ZNF644: variants seen among roughly 807,000 people sequenced by gnomAD.
ZNF644 encodes the protein zinc finger protein 644.
In ZNF644, 20 loss-of-function variants were observed where a neutral mutation model predicts 108.0. The ratio of observed to expected loss-of-function variants is 0.19; its 90% CI spans 0.13 to 0.27. The LOEUF (loss-of-function observed/expected upper bound fraction) is 0.27. Ranked by LOEUF, ZNF644 falls within the 10% of genes least tolerant of loss-of-function variation. ZNF644 has a pLI of 1.00. For missense variants in ZNF644, 1,338 were observed against 1,548.9 expected, an observed-to-expected ratio of 0.86 and a Z score of 2.29; for synonymous variants, 542 against 539.1, an observed-to-expected ratio of 1.01 and a Z score of -0.08.
intron 2 of ZNF644, among the ~76,000 whole-genome samples, chr1:90,962,816 G>C (rs1216690143): frequency 6.6e-6 from 1 of 152,100 alleles, no homozygotes; most frequent in Non-Finnish European, 1.5e-5. Context: ...TGTGTGGTTA[G>C]AGAGGAGGGA....
chr1:90,999,501 T>A (rs1416626633), intron 1 of ZNF644, among the ~76,000 whole-genome samples: 1 of 152,176 alleles, frequency 6.6e-6, no homozygotes, highest in Non-Finnish European at 1.5e-5. Flanking sequence ...CTGAGAGATT[T>A]GTCACCACCA....
chr1:91,004,269 T>A (rs961552778), intron 1 of ZNF644, among the ~76,000 whole-genome samples: 17 of 152,070 alleles, frequency 1.1e-4, no homozygotes, highest in Non-Finnish European at 2.5e-4. Context: ...AGACACATCA[T>A]CATAAAACTG....
In ZNF644 at chr1:90,941,092, T is replaced by G; in HGVS notation, c.262A>C (p.Ser88Arg). The G allele has an allele frequency of 6.2e-7, 1 of 1,614,120 alleles. No individual in the cohort carries two copies. Among genetic ancestry groups the G allele is most frequent in the Non-Finnish European group, 8.5e-7 (1 of 1,179,960 alleles). ...LSKDKSENAL[S>R]GGQSSLFIHA... ...ATAAATAGACTAGACTGGCCTCCAC[T>G]TAAGGCGTTTTCAGATTTGTCCTTT... The change falls in exon 3 of 6, where the codon AGT (serine) becomes CGT (arginine). Residue 88 changes from serine to arginine, a missense_variant. Ser to Arg is a moderately radical substitution (Grantham distance 110). This residue lies in a region of ZNF644 where 464 missense variants were observed against 457.9 expected (regional missense o/e 1.01). Coordinates refer to ENST00000337393, the MANE Select transcript of ZNF644 (RefSeq NM_201269.3).
chr1:90,942,548 A>ATT (rs1652103965), intron 2 of ZNF644, among the ~76,000 whole-genome samples: 1 of 152,210 alleles, frequency 6.6e-6, no homozygotes, highest in African/African-American at 2.4e-5. Flanking sequence ...CTCAGGCAAT[A>ATT]TTTGTTGAAT....
chr1:91,020,881 A>G (rs747624478), intron 1 of ZNF644: 4 of 152,234 alleles, frequency 2.6e-5, no homozygotes, highest in Non-Finnish European at 5.9e-5. Context: ...AGACAAGACC[A>G]TCATTCGCCC....
chr1:91,002,725 C>T (rs563803657), intron 1 of ZNF644, among the ~76,000 whole-genome samples: 2 of 152,216 alleles, frequency 1.3e-5, no homozygotes, highest in Admixed American at 1.3e-4. Context: ...AAGAAACTAC[C>T]ATCAGAGTGA....
chr1:90,991,246 TAAG>T (rs2101589996), intron 1 of ZNF644, among the ~76,000 whole-genome samples: 1 of 152,316 alleles, frequency 6.6e-6, no homozygotes, highest in East Asian at 1.9e-4. Flanking sequence ...TACACAGCTA[TAAG>T]AATGGCTAAA....
intron 1 of ZNF644, among the ~76,000 whole-genome samples, chr1:91,014,960 G>A (rs1184438558): frequency 6.6e-6 from 1 of 152,058 alleles, no homozygotes; most frequent in Non-Finnish European, 1.5e-5. Flanking sequence ...CATGTAAAGT[G>A]GGAATATATA....
At chr1:90,923,151 T>C (rs929712619) in intron 4 of ZNF644, among the ~76,000 whole-genome samples, 1 of 152,118 alleles carries the variant, frequency 6.6e-6, no homozygotes, top group African/African-American at 2.4e-5. Context: ...ACTTACACAG[T>C]CACATAGGGA....
rs965056714 is a variant in ZNF644 at position 90,922,158 on chromosome 1, C to G, written c.3689-4004G>C. 2.6e-5 allele frequency among the ~76,000 whole-genome samples: 4 copies of G among 152,268 alleles called. No individual in the cohort carries two copies. The South Asian group carries it at 6.2e-4, about 24-fold the overall frequency. On this transcript the variant is annotated intron_variant, in intron 4 of 5. Transcript: ENST00000337393. ...GATTTCATAAAAACATCTGGAACTT[C>G]TTTGATAAAGCACACCATAACTAAA...
At chr1:90,943,257 T>G (rs1357855301) in intron 2 of ZNF644, among the ~76,000 whole-genome samples, 1 of 151,918 alleles carries the variant, frequency 6.6e-6, no homozygotes, top group Non-Finnish European at 1.5e-5. Flanking sequence ...CTGGCTAACA[T>G]GGTGATACCC....
intron 4 of ZNF644, among the ~76,000 whole-genome samples, chr1:90,924,471 GAT>G (rs1256994710): frequency 8.6e-5 from 13 of 152,038 alleles, no homozygotes; most frequent in Non-Finnish European, 1.8e-4. Flanking sequence ...CCGTATTTCT[GAT>G]ATATCATTTC....
intron 1 of ZNF644, among the ~76,000 whole-genome samples, chr1:91,010,405 ATTTTTTT>A (rs35003941): frequency 7.5e-6 from 1 of 132,628 alleles, no homozygotes; most frequent in Non-Finnish European, 1.6e-5. Context: ...CGCTTGGCTA[ATTTTTTT>A]TTTTTTTTTT....
intron 2 of ZNF644, among the ~76,000 whole-genome samples, chr1:90,977,296 A>T (rs969321070): frequency 3.3e-5 from 5 of 152,184 alleles, no homozygotes; most frequent in Non-Finnish European, 5.9e-5. Flanking sequence ...CTATAAAGAA[A>T]TTTACCATAA....
chr1:90,952,052 T>C (rs1445190727), intron 2 of ZNF644, among the ~76,000 whole-genome samples: 5 of 152,092 alleles, frequency 3.3e-5, no homozygotes, highest in African/African-American at 1.2e-4. Flanking sequence ...TCTCTCCATA[T>C]TTCTCTCTCT....
At chr1:90,970,899 C>A (rs1033317110) in intron 2 of ZNF644, among the ~76,000 whole-genome samples, 2 of 149,764 alleles carry the variant, frequency 1.3e-5, no homozygotes, top group African/African-American at 4.9e-5. Context: ...ACTCAGAAGG[C>A]TGAGGCAGGA....
At chr1:91,002,454 G>T (rs1658944551) in intron 1 of ZNF644, among the ~76,000 whole-genome samples, 1 of 152,176 alleles carries the variant, frequency 6.6e-6, no homozygotes, top group African/African-American at 2.4e-5. Flanking sequence ...AACAAATGGT[G>T]CTGGGAAAAC....
intron 5 of ZNF644, 118 bp downstream of exon 5, chr1:90,917,934 A>G: frequency 4.8e-6 from 4 of 837,754 alleles, no homozygotes; most frequent in Non-Finnish European, 8.0e-6. Context: ...AAGTTCATTT[A>G]TAACTTGATT....
chr1:91,021,633 AG>A (rs1426146341), intron 1 of ZNF644: 2 of 43,620 alleles, frequency 4.6e-5, no homozygotes, highest in Non-Finnish European at 1.1e-4. Context: ...CGCAGCGGAA[AG>A]CCCCCCCCCC....
Sources: gnomAD v4.1 joint callset for allele counts (sites outside exome capture counted in the v4.1 genomes callset) on GRCh38, gnomAD v4.1.1 for gene constraint, gnomAD v4.1.1 regional missense constraint, MANE v1.5 for transcripts, NCBI Gene and HGNC (gene_info 2026-07-23, HGNC 2026-07-21) for gene names.